Variants in STK33 observed in about 807,000 individuals in gnomAD.
The protein encoded by STK33 is serine/threonine kinase 33, also known as serine/threonine-protein kinase 33.
In STK33, 52 loss-of-function variants were observed where a neutral mutation model predicts 58.0. The observed-to-expected ratio is 0.90, with a 90% CI of 0.72 to 1.13. The LOEUF (loss-of-function observed/expected upper bound fraction) is 1.13, where lower values mean the gene tolerates loss of function less well. Among genes scored for constraint, STK33 ranks in the 50% most tolerant of loss-of-function variants. The pLI is 0.00. For synonymous variants in STK33, 215 were observed against 200.1 expected, an observed-to-expected ratio of 1.07 and a Z score of -0.63; for missense variants, 630 against 604.2, an observed-to-expected ratio of 1.04 and a Z score of -0.45.
intron 6 of STK33, among the ~76,000 whole-genome samples, chr11:8,471,524 C>T (rs564406568): frequency 6.6e-6 from 1 of 152,228 alleles, no homozygotes; most frequent in Admixed American, 6.5e-5. Flanking sequence ...ACATGGATAT[C>T]TGTGAAAATG....
At chr11:8,368,259 C>T in the STK33 span, among the ~76,000 whole-genome samples, 2 of 152,204 alleles carry the variant, frequency 1.3e-5, no homozygotes, top group South Asian at 4.1e-4. Flanking sequence ...CCTAATCCCC[C>T]ACCCGGGCCT....
chr11:8,510,097 T>C (rs987217082), intron 1 of STK33, among the ~76,000 whole-genome samples: 2 of 152,228 alleles, frequency 1.3e-5, no homozygotes, highest in African/African-American at 4.8e-5. Context: ...TCCATAGTAG[T>C]TGTACTAGTT....
intron 5 of STK33, 23 bp downstream of exon 5, chr11:8,474,658 G>A: frequency 1.3e-6 from 2 of 1,560,680 alleles, no homozygotes; most frequent in Non-Finnish European, 1.7e-6. Flanking sequence ...CTTGTGCTTA[G>A]ATGTGGAATC....
downstream of STK33, among the ~76,000 whole-genome samples, chr11:8,387,717 GA>G (rs369981094): frequency 6.6e-6 from 1 of 152,158 alleles, no homozygotes; most frequent in African/African-American, 2.4e-5. Flanking sequence ...TTTGGACCAG[GA>G]AATATCAGCT....
intron 1 of STK33, among the ~76,000 whole-genome samples, chr11:8,545,363 C>T (rs1000958121): frequency 6.6e-6 from 1 of 152,110 alleles, no homozygotes; most frequent in South Asian, 2.1e-4. Context: ...ATGACAGCAC[C>T]ATTTATGAAT....
intron 1 of STK33, among the ~76,000 whole-genome samples, chr11:8,519,238 A>G (rs1034630437): frequency 2.0e-5 from 3 of 152,194 alleles, no homozygotes; most frequent in African/African-American, 7.2e-5. Flanking sequence ...CTCCGGAATG[A>G]CTACTGGGTA....
the STK33 span, among the ~76,000 whole-genome samples, chr11:8,351,812 G>A: frequency 6.6e-6 from 1 of 152,156 alleles, no homozygotes; most frequent in Non-Finnish European, 1.5e-5. Flanking sequence ...CCTGAGACCT[G>A]GATACCACCA....
At chr11:8,540,730 T>C (rs891703183) in intron 1 of STK33, among the ~76,000 whole-genome samples, 2 of 151,760 alleles carry the variant, frequency 1.3e-5, no homozygotes, top group African/African-American at 4.8e-5. Flanking sequence ...GTAGCTACCA[T>C]GGATGGGCAG....
intron 1 of STK33, among the ~76,000 whole-genome samples, chr11:8,538,356 ATT>A (rs1354838033): frequency 6.6e-6 from 1 of 152,194 alleles, no homozygotes. Context: ...AGGTTAAGTA[ATT>A]TGCCTGCAGT....
chr11:8,357,178 G>A, the STK33 span, among the ~76,000 whole-genome samples: 9 of 152,334 alleles, frequency 5.9e-5, no homozygotes, highest in East Asian at 1.9e-4. Flanking sequence ...CAAGTTTCCC[G>A]TCCTCTGTTT....
the STK33 span, among the ~76,000 whole-genome samples, chr11:8,380,177 T>C: frequency 6.6e-6 from 1 of 152,226 alleles, no homozygotes; most frequent in Non-Finnish European, 1.5e-5. Flanking sequence ...ATGGTATTTG[T>C]GTTTTTGGGT....
At chr11:8,363,874 AT>A in the STK33 span, among the ~76,000 whole-genome samples, 1 of 152,248 alleles carries the variant, frequency 6.6e-6, no homozygotes, top group African/African-American at 2.4e-5. Flanking sequence ...CATCAGAGAC[AT>A]TAAGAATTAA....
intron 9 of STK33, among the ~76,000 whole-genome samples, chr11:8,455,416 T>G (rs1157424051): frequency 6.6e-6 from 1 of 152,156 alleles, no homozygotes; most frequent in Non-Finnish European, 1.5e-5. Flanking sequence ...AGAGCTCAGG[T>G]ACAATTTTTA....
At chr11:8,509,144 CT>C (rs1952111541) in intron 1 of STK33, among the ~76,000 whole-genome samples, 1 of 144,060 alleles carries the variant, frequency 6.9e-6, no homozygotes, top group South Asian at 2.2e-4. Context: ...AAAAAAGCCA[CT>C]CATTACAATA....
At chr11:8,544,449 A>T (rs1351062869) in intron 1 of STK33, among the ~76,000 whole-genome samples, 2 of 150,664 alleles carry the variant, frequency 1.3e-5, no homozygotes, top group East Asian at 3.9e-4. Context: ...AAGAATAATG[A>T]TTGTTTCTCT....
chr11:8,423,578 T>C (rs1427430500), intron 14 of STK33, among the ~76,000 whole-genome samples: 1 of 152,100 alleles, frequency 6.6e-6, no homozygotes. Flanking sequence ...CTGCGTATTA[T>C]TAGAGAACAT....
At chr11:8,437,874 A>G in intron 12 of STK33, among the ~76,000 whole-genome samples, 1 of 152,206 alleles carries the variant, frequency 6.6e-6, no homozygotes, top group Non-Finnish European at 1.5e-5. Flanking sequence ...CTCTTATTTT[A>G]ATACTTTTTA....
chr11:8,403,631 T>C (rs1257765256), intron 15 of STK33, among the ~76,000 whole-genome samples: 1 of 152,184 alleles, frequency 6.6e-6, no homozygotes, highest in African/African-American at 2.4e-5. Flanking sequence ...TCAGTTCTAT[T>C]GGAGGCAGAA....
rs55646106 is a variant in STK33, at chr11:8,442,030, TACACACACACACAC to T, written c.872-1291_872-1278del. Reference sequence around the variant, plus strand: ...TCTCCCACCTACACATACCTACACCTACACACACACACACACACACACACACACACACACACACT... The same window carrying T: ...TCTCCCACCTACACATACCTACACCTACACACACACACACACACACACACT... On this transcript the variant is annotated intron_variant, in intron 11 of 15. Coordinates refer to ENST00000687296, the MANE Select transcript of STK33 (RefSeq NM_001352389.2). 6.3e-4 allele frequency among the ~76,000 whole-genome samples: 90 copies of T among 143,430 alleles called. 2 individuals carry two copies. The South Asian group carries it at 0.019, about 31-fold the overall frequency. The allele number at this position is 143,430 out of a possible 152,430, so 94.1% of individuals were successfully genotyped here. A position where few individuals can be genotyped will look rare whatever the true frequency, so the allele number is the denominator to read the frequency against.
Sources: gnomAD v4.1 joint callset for allele counts (sites outside exome capture counted in the v4.1 genomes callset) on GRCh38, gnomAD v4.1.1 for gene constraint, MANE v1.5 for transcripts, NCBI Gene and HGNC (gene_info 2026-07-23, HGNC 2026-07-21) for gene names.